The following IGSF9 variants were observed in gnomAD, a reference collection of about 807,000 sequenced individuals.
IGSF9 encodes immunoglobulin superfamily member 9.
Under a neutral mutation model 121.7 loss-of-function variants are expected in IGSF9, and 87 were observed. The ratio of observed to expected loss-of-function variants is 0.71; its 90% confidence interval spans 0.60 to 0.85. The LOEUF (loss-of-function observed/expected upper bound fraction) is 0.85. IGSF9 is among the 40% of genes least tolerant of loss of function. IGSF9 has a pLI of 0.00. For synonymous variants in IGSF9, 640 were observed against 648.4 expected (o/e 0.99, Z 0.20); for missense variants, 1,462 against 1,565.3 (o/e 0.93, Z 1.11).
At chr1:159,937,599 C>T in intron 4 of IGSF9, 87 bp downstream of exon 4, 1 of 1,449,882 alleles carries the variant, frequency 6.9e-7, no homozygotes, top group Non-Finnish European at 9.6e-7. Context: ...GGAAATAGAA[C>T]TCCCTCTTCC....
Position 159,931,589 on chromosome 1 carries a change from C to T in IGSF9, c.1377G>A (p.Leu459=). The T allele has an allele frequency of 6.2e-7, 1 of 1,613,874 alleles. No homozygotes were observed. Among genetic ancestry groups the T allele is most frequent in the Non-Finnish European group, 8.5e-7 (1 of 1,179,950 alleles). ...TGCTGTCCACCTGGGCCTGGCCTTG[C>T]AGCCCCCGGCCCACCTACAGAACCA... ...VVSWTKVGRG[L]QGQAQVDSNS... is the part of the protein sequence containing the mutation. Residue 459 remains leucine, a synonymous_variant, in exon 12 of 21, where the codon CTG becomes CTA. Transcript: ENST00000368094. The surrounding 1 kb of genome is among the most constrained non-coding windows in gnomAD (Gnocchi z 4.8).
chr1:159,935,369 T>TC (rs1651149063), intron 6 of IGSF9, among the ~76,000 whole-genome samples: 1 of 152,148 alleles, frequency 6.6e-6, no homozygotes, highest in African/African-American at 2.4e-5. Context: ...ACCCCTGCGA[T>TC]CCAAACCCTC....
At chr1:159,945,196 AC>A (rs1651541860) in intron 1 of IGSF9, among the ~76,000 whole-genome samples, 2 of 128,100 alleles carry the variant, frequency 1.6e-5, no homozygotes, top group African/African-American at 6.0e-5. Flanking sequence ...TGGTCTCCCC[AC>A]CCCCCAGCCA....
rs770271295 is a variant in IGSF9 at position 159,931,237 on chromosome 1, T to C, written c.1538A>G (p.Asn513Ser). The change falls in exon 13 of 21, where the codon AAT (asparagine) becomes AGT (serine). Residue 513 changes from asparagine to serine, a missense_variant. Transcript: ENST00000368094. The surrounding 1 kb of genome is among the most constrained non-coding windows in gnomAD (Gnocchi z 4.8). Reference sequence around the variant, plus strand: ...CTTGGGCAAAGCCACCACGGACACATTGGTGACAACATGAGGGCTAGTGCC... The same window carrying C: ...CTTGGGCAAAGCCACCACGGACACACTGGTGACAACATGAGGGCTAGTGCC... ...VLGTSPHVVT[N>S]VSVVALPKGA... 9.3e-6 allele frequency: 15 copies of C among 1,613,836 alleles called. No individual in the cohort carries two copies. In the South Asian group the frequency reaches 1.1e-4, roughly 12 times the overall value.
In IGSF9 at chr1:159,929,344, C is replaced by CACTTACGGTGCAGCTG. The variant is rs1274349325; in HGVS notation, c.2360_2369+6dup. On this transcript the variant is annotated splice_region_variant and intron_variant, in intron 18 of 20. Transcript: ENST00000368094. ...CAGAAGAAAGCCAAGGAGGTGGAGG[C>CACTTACGGTGCAGCTG]ACTTACGGTGCAGCTGACTTCCCGG... 1.9e-6 allele frequency: 3 copies of CACTTACGGTGCAGCTG among 1,613,966 alleles called. No homozygotes were observed. Among genetic ancestry groups the CACTTACGGTGCAGCTG allele is most frequent in the Non-Finnish European group, 2.5e-6 (3 of 1,179,834 alleles).
At position 159,930,850 on chromosome 1, in the gene IGSF9, C is replaced by A; in HGVS notation, c.1655G>T (p.Arg552Leu). 1 of 1,607,906 alleles carries A rather than the reference C, an allele frequency of 6.2e-7. No individual in the cohort carries two copies. Among genetic ancestry groups the A allele is most frequent in the Admixed American group, 1.7e-5 (1 of 58,646 alleles). The change falls in exon 14 of 21, where the codon CGA (arginine) becomes CTA (leucine). Residue 552 changes from arginine to leucine, a missense_variant. Physicochemically the swap from Arg to Leu is moderately radical, Grantham distance 102 (BLOSUM62 -2). Transcript: ENST00000368094. ...CAAGGACACCCAGTCATGGTGCATT[C>A]GGTCAGGACGCTTGGCCCTGGGAGA... is the stretch of plus-strand genomic sequence containing the variant. Reference protein sequence around the residue: ...WYTPLAKRPDRMHHDWVSLAV... With the variant: ...WYTPLAKRPDLMHHDWVSLAV...
rs1557930992 is a variant in IGSF9 at position 159,929,750 on chromosome 1, GC to G, written c.2213del (p.Gly738AlafsTer15). 2 of 1,604,636 alleles carry G rather than the reference GC, an allele frequency of 1.2e-6. No homozygotes were observed. Among genetic ancestry groups the G allele is most frequent in the Non-Finnish European group, 1.7e-6 (2 of 1,176,088 alleles). On this transcript the variant is annotated frameshift_variant, in exon 17 of 21. Coordinates refer to ENST00000368094, the MANE Select transcript of IGSF9 (RefSeq NM_001135050.2). LOFTEE classifies it high-confidence loss of function. ...CCAGAAAGCAGACTCCGCCCACCACGCCGGCCAGCACGGGCTGAGGCAGGAG... is the reference window on the plus strand; with the variant it reads ...CCAGAAAGCAGACTCCGCCCACCACGCGGCCAGCACGGGCTGAGGCAGGAG... ...PGLLPQPVLA[G>X]VVGGVCFLGV...
chr1:159,929,947 G>T lies in IGSF9; in HGVS notation c.2093C>A (p.Ala698Asp). 1 of 1,583,894 alleles carries T rather than the reference G, an allele frequency of 6.3e-7. No homozygotes were observed. Among genetic ancestry groups the T allele is most frequent in the Non-Finnish European group, 8.6e-7 (1 of 1,165,750 alleles). The change falls in exon 16 of 21, where the codon GCC becomes GAC. Residue 698 changes from alanine (A) to aspartate (D), a missense_variant. Transcript: ENST00000368094. The part of the protein sequence containing the change: ...KDVLYEFRLV[A>D]FAGSFVSDPS... ...GTCGCTGACGAAGCTGCCCGCGAAG[G>T]CCACGAGGCGGAACTCGTAGAGAAC... is the stretch of plus-strand genomic sequence containing the variant.
rs1387874908 is a variant in IGSF9, at chr1:159,936,590, C to CAGAGGG, written c.556-80_556-75dup. 3.7e-5 allele frequency: 57 copies of CAGAGGG among 1,538,722 alleles called. 1 individual carries two copies. The Admixed American group carries it at 9.8e-4, about 26-fold the overall frequency. ...ATCCTGCACTTCCGAGTTTGGCCAG[C>CAGAGGG]AGAGGGAGGCAGCACCCCAGGCTCG... On this transcript the variant is annotated intron_variant, in intron 5 of 20. Transcript: ENST00000368094.
intron 1 of IGSF9, among the ~76,000 whole-genome samples, chr1:159,945,051 C>G (rs1651537240): frequency 6.6e-6 from 1 of 151,992 alleles, no homozygotes; most frequent in Non-Finnish European, 1.5e-5. Context: ...TCTAGTCTCC[C>G]CACACACCAC....
chr1:159,927,097 C>CACAG lies in IGSF9; in HGVS notation c.*247_*248insCTGT, dbSNP rs762782876. Reference sequence around the variant, plus strand: ...AACTTCACACACACACACACACACACAGAGAGAGAGAGAGAGAGAGAGAGA... The same window carrying CACAG: ...AACTTCACACACACACACACACACACACAGAGAGAGAGAGAGAGAGAGAGAGAGA... On this transcript the variant is annotated 3_prime_UTR_variant, in exon 21 of 21. Coordinates refer to ENST00000368094, the MANE Select transcript of IGSF9 (RefSeq NM_001135050.2). The CACAG allele has an allele frequency of 3.4e-4, 127 of 371,832 alleles. No homozygotes were observed. The Middle Eastern group carries it at 3.7e-3, about 11-fold the overall frequency. 23.0% of individuals were successfully genotyped at this position (371,832 alleles called of 1,614,324 possible).
chr1:159,941,390 C>T (rs1651373803), intron 3 of IGSF9, among the ~76,000 whole-genome samples: 1 of 152,226 alleles, frequency 6.6e-6, no homozygotes, highest in Non-Finnish European at 1.5e-5. Context: ...TCAGGGGCCT[C>T]CCTCAGGTCC....
At position 159,927,172 on chromosome 1, in the gene IGSF9, G is replaced by C; in HGVS notation, c.*173C>G. The C allele has an allele frequency of 1.4e-6, 1 of 691,526 alleles. No homozygotes were observed. Among genetic ancestry groups the C allele is most frequent in the Non-Finnish European group, 2.5e-6 (1 of 399,228 alleles). The allele number at this position is 691,526 out of a possible 1,614,324, so 42.8% of individuals were successfully genotyped here. A position where few individuals can be genotyped will look rare whatever the true frequency, so the allele number is the denominator to read the frequency against. ...CTGTTCCAATCCCCAGACTCACCTA[G>C]GGGGTCAGCACATACATTCCATACC... On this transcript the variant is annotated 3_prime_UTR_variant, in exon 21 of 21. Transcript: ENST00000368094.
chr1:159,930,984 C>T, intron 13 of IGSF9, 117 bp from the exon 14 acceptor site: 1 of 1,424,968 alleles, frequency 7.0e-7, no homozygotes, highest in Non-Finnish European at 9.5e-7. Context: ...AGGACCTTGG[C>T]CCTGAATGCC....
intron 18 of IGSF9, 49 bp downstream of exon 18, chr1:159,929,302 C>T: frequency 6.3e-7 from 1 of 1,589,176 alleles, no homozygotes; most frequent in Non-Finnish European, 8.6e-7. Flanking sequence ...AAGATACTGG[C>T]ACGTACAATG....
chr1:159,929,827 C>T lies in IGSF9; in HGVS notation c.2150-13G>A. Reference sequence around the variant, plus strand: ...TAGACCTCCAGACCTAGGCAGGGGTCCACGAGGGAGGGTCAGTGGACTCGG... The same window carrying T: ...TAGACCTCCAGACCTAGGCAGGGGTTCACGAGGGAGGGTCAGTGGACTCGG... On this transcript the variant is annotated splice_polypyrimidine_tract_variant and intron_variant, in intron 16 of 20. Coordinates refer to ENST00000368094, the MANE Select transcript of IGSF9 (RefSeq NM_001135050.2). The T allele has an allele frequency of 6.3e-7, 1 of 1,599,836 alleles. No homozygotes were observed. The highest frequency in any genetic ancestry group is 1.3e-5 in the African/African-American group (1 of 74,796).
rs1651020519 is a variant in IGSF9 at position 159,932,077 on chromosome 1, TTCTC to T, written c.1246-153_1246-150del. 2 of 599,538 alleles carry T rather than the reference TTCTC, an allele frequency of 3.3e-6. No individual in the cohort carries two copies. Among genetic ancestry groups the T allele is most frequent in the East Asian group, 5.7e-5 (2 of 35,116 alleles). 37.1% of individuals were successfully genotyped at this position (599,538 alleles called of 1,614,324 possible). A position where few individuals can be genotyped will look rare whatever the true frequency, so the allele number is the denominator to read the frequency against. On this transcript the variant is annotated intron_variant, in intron 10 of 20. Transcript: ENST00000368094. The surrounding 1 kb of genome is among the most constrained non-coding windows in gnomAD (Gnocchi z 4.1). The stretch of plus-strand genomic sequence containing the variant: ...ACTCACCAAGCCTGTCTCTACCTCA[TTCTC>T]TCTCCATCTCTCAATTCCTCTCTGG...
At position 159,927,222 on chromosome 1, in the gene IGSF9, G is replaced by A; in HGVS notation, c.*123C>T. Reference sequence around the variant, plus strand: ...CAAGGTGACCCAAACCCACTATCAGGGTCTGTGCCTGGGCACCAAAGGGGC... The same window carrying A: ...CAAGGTGACCCAAACCCACTATCAGAGTCTGTGCCTGGGCACCAAAGGGGC... On this transcript the variant is annotated 3_prime_UTR_variant, in exon 21 of 21. Coordinates refer to ENST00000368094, the MANE Select transcript of IGSF9 (RefSeq NM_001135050.2). The A allele has an allele frequency of 8.5e-7, 1 of 1,173,890 alleles. No individual in the cohort carries two copies. The highest frequency in any genetic ancestry group is 1.5e-5 in the African/African-American group (1 of 65,680). The allele number at this position is 1,173,890 out of a possible 1,614,324, so 72.7% of individuals were successfully genotyped here.
rs1651126664 is a variant in IGSF9, at chr1:159,934,704, G to T, written c.792C>A (p.Asp264Glu). 11 of 1,614,230 alleles carry T rather than the reference G, an allele frequency of 6.8e-6. No homozygotes were observed. The highest frequency in any genetic ancestry group is 8.5e-6 in the Non-Finnish European group (10 of 1,180,032). Residue 264 changes from aspartate to glutamate, a missense_variant, in exon 7 of 21, where the codon GAC becomes GAA. Physicochemically the swap from Asp to Glu is conservative, Grantham distance 45 (BLOSUM62 2). Around this residue, in one of 3 missense-constraint regions of IGSF9, gnomAD observed 558 missense variants for 599.4 expected, o/e 0.93. Transcript: ENST00000368094. Reference protein sequence around the residue: ...PANLTYSWFQDNINVFHISRL... With the variant: ...PANLTYSWFQENINVFHISRL... ...ACCTAATGTGGAAGACATTGATGTT[G>T]TCCTGGAACCAGCTGTAGGTGAGGT...
Sources: allele counts gnomAD v4.1 joint callset (sites outside exome capture counted in the v4.1 genomes callset), GRCh38; gene constraint gnomAD v4.1.1; regional missense constraint gnomAD v4.1.1; non-coding constraint Gnocchi (gnomAD v3.1); transcripts MANE v1.5; gene names NCBI Gene and HGNC (gene_info 2026-07-23, HGNC 2026-07-21).